Variants in FAM107B observed in about 807,000 individuals in gnomAD.
The protein encoded by FAM107B is family with sequence similarity 107 member B, also known as protein FAM107B.
FAM107B carries 21 observed loss-of-function variants against 31.5 expected under a neutral mutation model. That is an observed-to-expected ratio of 0.67 (90% CI 0.47 to 0.96). FAM107B has a LOEUF of 0.96. Among genes scored for constraint, FAM107B ranks in the 40% least tolerant of loss-of-function variants. The probability of loss-of-function intolerance (pLI) is 0.00; values close to 1 mark genes in which losing one functional copy is unlikely to be tolerated. For synonymous variants in FAM107B, 157 were observed against 141.5 expected (o/e 1.11, Z -0.78); for missense variants, 452 against 377.1 (o/e 1.20, Z -1.64).
At chr10:14,769,355 T>C (rs977608530) in intron 1 of FAM107B, among the ~76,000 whole-genome samples, 1 of 152,072 alleles carries the variant, frequency 6.6e-6, no homozygotes, top group African/African-American at 2.4e-5. Flanking sequence ...GGGCCCTGTT[T>C]CCCTTCACTT....
chr10:14,634,246 A>T (rs796079100), intron 2 of FAM107B, among the ~76,000 whole-genome samples: 27 of 152,038 alleles, frequency 1.8e-4, no homozygotes, highest in African/African-American at 6.5e-4. Context: ...ATTACAAAAA[A>T]AAAATTAGCC....
intron 1 of FAM107B, among the ~76,000 whole-genome samples, chr10:14,725,727 T>C (rs1269629725): frequency 1.3e-5 from 2 of 151,926 alleles, no homozygotes; most frequent in Admixed American, 6.6e-5. Flanking sequence ...TATCTAAACC[T>C]AATTATCTTC....
At chr10:14,769,890 A>T (rs190867195) in intron 1 of FAM107B, among the ~76,000 whole-genome samples, 211 of 152,312 alleles carry the variant, frequency 1.4e-3, no homozygotes, top group African/African-American at 4.9e-3. Flanking sequence ...CACACTGCGT[A>T]CATCACTGGG....
intron 2 of FAM107B, among the ~76,000 whole-genome samples, chr10:14,551,392 G>A (rs1564556321): frequency 6.6e-6 from 1 of 152,100 alleles, no homozygotes; most frequent in African/African-American, 2.4e-5. Context: ...TGATCTGCCC[G>A]CCTTGGTCTC....
At chr10:14,739,536 G>A (rs967185546) in intron 1 of FAM107B, among the ~76,000 whole-genome samples, 1 of 152,190 alleles carries the variant, frequency 6.6e-6, no homozygotes, top group South Asian at 2.1e-4. Context: ...GATTTGGGTA[G>A]AGGACCAATT....
chr10:14,667,460 C>T (rs1322166943), intron 2 of FAM107B, among the ~76,000 whole-genome samples, 174 bp downstream of exon 2: 3 of 152,218 alleles, frequency 2.0e-5, no homozygotes, highest in Non-Finnish European at 2.9e-5. Context: ...TGCATCACAA[C>T]CAGATTGTCC....
At chr10:14,748,591 C>A (rs1158803313) in intron 1 of FAM107B, among the ~76,000 whole-genome samples, 1 of 152,222 alleles carries the variant, frequency 6.6e-6, no homozygotes, top group Non-Finnish European at 1.5e-5. Context: ...GGCCACTAAG[C>A]AAATTTGCAT....
intron 2 of FAM107B, among the ~76,000 whole-genome samples, chr10:14,649,997 T>A (rs1853858894): frequency 6.6e-6 from 1 of 152,182 alleles, no homozygotes; most frequent in Non-Finnish European, 1.5e-5. Context: ...CATGGTTTCA[T>A]CTCTTGGGTC....
intron 1 of FAM107B, among the ~76,000 whole-genome samples, chr10:14,766,697 G>T (rs2609818): frequency 0.2 from 30,037 of 151,518 alleles, 8,091 homozygotes; most frequent in African/African-American, 0.61. Context: ...TACTTATAAT[G>T]GCCATAGCTC....
chr10:14,705,411 C>T (rs1855496498), intron 1 of FAM107B, among the ~76,000 whole-genome samples: 1 of 152,236 alleles, frequency 6.6e-6, no homozygotes, highest in Non-Finnish European at 1.5e-5. Flanking sequence ...TATTTGCACA[C>T]CCATGCTCCT....
intron 1 of FAM107B, among the ~76,000 whole-genome samples, chr10:14,722,283 A>C (rs1055018071): frequency 3.9e-5 from 6 of 152,246 alleles, no homozygotes; most frequent in Non-Finnish European, 7.3e-5. Context: ...TAAAAATGAA[A>C]TCACATGATA....
chr10:14,648,174 G>A (rs927142034), intron 2 of FAM107B, among the ~76,000 whole-genome samples: 2 of 152,192 alleles, frequency 1.3e-5, no homozygotes, highest in African/African-American at 4.8e-5. Context: ...GTCATCTGAG[G>A]TAATTATGGT....
intron 2 of FAM107B, among the ~76,000 whole-genome samples, chr10:14,596,412 AC>A (rs1852190450): frequency 1.3e-5 from 2 of 152,166 alleles, no homozygotes; most frequent in South Asian, 4.1e-4. Context: ...CCGTGATCCC[AC>A]TGATCCCCAG....
At position 14,530,299 on chromosome 10, in the gene FAM107B, TA is replaced by T. The variant is rs537843525; in HGVS notation, c.653+32del. 9,655 of 1,240,856 alleles carry T rather than the reference TA, an allele frequency of 7.8e-3. 1 individual carries two copies. Among genetic ancestry groups the T allele is most frequent in the South Asian group, 0.015 (969 of 63,270 alleles). The allele number at this position is 1,240,856 out of a possible 1,614,324, so 76.9% of individuals were successfully genotyped here. ...GATATCATGATCTTAAAAGTCCTCT[TA>T]AAAAAAAAATATGCTCAAGAAACCA... On this transcript the variant is annotated intron_variant, in intron 3 of 4. Transcript: ENST00000181796.
At chr10:14,576,529 A>AAACAACAACAAC (rs113340570) in intron 2 of FAM107B, among the ~76,000 whole-genome samples, 28,044 of 147,174 alleles carry the variant, frequency 0.19, 2,653 homozygotes, top group Middle Eastern at 0.27. Flanking sequence ...TACATCTCAA[A>AAACAACAACAAC]AACAACAACA....
intron 1 of FAM107B, among the ~76,000 whole-genome samples, chr10:14,699,230 A>C (rs1329870534): frequency 1.3e-5 from 2 of 152,172 alleles, no homozygotes; most frequent in East Asian, 3.9e-4. Context: ...AGAACAAAGA[A>C]GCTATAGAGA....
At chr10:14,599,826 G>A (rs2131367332) in intron 2 of FAM107B, among the ~76,000 whole-genome samples, 1 of 146,596 alleles carries the variant, frequency 6.8e-6, no homozygotes, top group South Asian at 2.2e-4. Context: ...GTACCCTGCT[G>A]TGGGATCACT....
intron 1 of FAM107B, among the ~76,000 whole-genome samples, chr10:14,701,483 G>A (rs1377704624): frequency 6.6e-6 from 1 of 152,102 alleles, no homozygotes; most frequent in Non-Finnish European, 1.5e-5. Context: ...GACCTCAGGT[G>A]ATCCTCCCAC....
chr10:14,552,432 CTA>C (rs1849342521), intron 2 of FAM107B, among the ~76,000 whole-genome samples: 1 of 151,298 alleles, frequency 6.6e-6, no homozygotes, highest in Non-Finnish European at 1.5e-5. Flanking sequence ...CGCACTTTAT[CTA>C]TATACAGTGA....
Sources: gnomAD v4.1 joint callset for allele counts (sites outside exome capture counted in the v4.1 genomes callset) on GRCh38, gnomAD v4.1.1 for gene constraint, MANE v1.5 for transcripts, NCBI Gene and HGNC (gene_info 2026-07-23, HGNC 2026-07-21) for gene names.